MED12L: variants seen among roughly 807,000 people sequenced by gnomAD.
MED12L encodes the protein mediator of RNA polymerase II transcription subunit 12-like protein.
Under a neutral mutation model 281.3 loss-of-function variants are expected in MED12L, and 60 were observed. The observed-to-expected ratio is 0.21, with a 90% CI of 0.17 to 0.26. The LOEUF is 0.26. Among genes scored for constraint, MED12L ranks in the 10% least tolerant of loss-of-function variants. The pLI, the probability that MED12L is intolerant of heterozygous loss-of-function variation, is 1.00. For synonymous variants in MED12L, 974 were observed against 987.2 expected (o/e 0.99, Z 0.25); for missense variants, 2,146 against 2,680.9 (o/e 0.80, Z 4.41).
intron 16 of MED12L, among the ~76,000 whole-genome samples, chr3:151,202,521 A>G (rs756268761): frequency 7.9e-5 from 12 of 152,258 alleles, no homozygotes; most frequent in Non-Finnish European, 1.5e-4. Context: ...AAATACAAAA[A>G]TTAGCCAACG....
Position 151,357,362 on chromosome 3 carries a change from C to T in MED12L, c.2811C>T (p.Ala937=). 6.2e-7 allele frequency: 1 copy of T among 1,608,694 alleles called. No homozygotes were observed. ...SCLILNPDQT[A]QVFEGLCGVV... Reference sequence around the variant, plus strand: ...TAATCTTGAATCCTGATCAGACAGCCCAGGTGTTTGAAGGGTTGGTATATA... The same window carrying T: ...TAATCTTGAATCCTGATCAGACAGCTCAGGTGTTTGAAGGGTTGGTATATA... Residue 937 remains alanine (A), a synonymous_variant, in exon 20 of 45, where the codon GCC becomes GCT. Coordinates refer to ENST00000687756, the MANE Select transcript of MED12L (RefSeq NM_001393769.1).
At chr3:151,379,964 G>T in intron 31 of MED12L, 149 bp from the exon 32 acceptor site, 1 of 535,850 alleles carries the variant, frequency 1.9e-6, no homozygotes, top group Non-Finnish European at 3.3e-6. Flanking sequence ...AATTTTATAA[G>T]TAGAGGTATG....
intron 12 of MED12L, among the ~76,000 whole-genome samples, chr3:151,186,945 G>T (rs1221521901): frequency 1.3e-5 from 2 of 152,180 alleles, no homozygotes; most frequent in African/African-American, 4.8e-5. Context: ...TGCATGACTG[G>T]ATGAGCCTTA....
intron 5 of MED12L, among the ~76,000 whole-genome samples, chr3:151,152,521 C>T (rs1016755764): frequency 1.3e-5 from 2 of 152,112 alleles, no homozygotes; most frequent in African/African-American, 4.8e-5. Flanking sequence ...CAGGGTCTGA[C>T]ATTGGTGACA....
At chr3:151,158,395 C>T (rs1482524527) in intron 6 of MED12L, among the ~76,000 whole-genome samples, 2 of 151,840 alleles carry the variant, frequency 1.3e-5, no homozygotes, top group African/African-American at 4.8e-5. Context: ...CATACTCCCC[C>T]GAAATCTAGC....
chr3:151,381,614 A>T (rs1712360663), intron 32 of MED12L, among the ~76,000 whole-genome samples: 1 of 152,194 alleles, frequency 6.6e-6, no homozygotes. Context: ...TTCTCTGTTA[A>T]GATGTTACCT....
At chr3:151,186,786 T>G (rs183229549) in intron 12 of MED12L, among the ~76,000 whole-genome samples, 63 of 152,338 alleles carry the variant, frequency 4.1e-4, no homozygotes, top group African/African-American at 1.5e-3. Flanking sequence ...CAGTGCACAT[T>G]TATCTAGTTA....
intron 38 of MED12L, among the ~76,000 whole-genome samples, chr3:151,394,433 T>C (rs1714690198): frequency 1.3e-5 from 2 of 152,382 alleles, no homozygotes; most frequent in East Asian, 3.9e-4. Context: ...AAGACCTCCA[T>C]GAAATTAAAG....
intron 10 of MED12L, 122 bp from the exon 11 acceptor site, chr3:151,165,724 A>C: frequency 9.1e-7 from 1 of 1,100,550 alleles, no homozygotes; most frequent in South Asian, 1.5e-5. Flanking sequence ...GTTTGATAAC[A>C]TATGCCAAGA....
chr3:151,269,806 A>C, intron 16 of MED12L: 1 of 423,038 alleles, frequency 2.4e-6, no homozygotes, highest in South Asian at 1.8e-5. Context: ...CAAATCTGGA[A>C]AGGATATAAT....
At chr3:151,136,224 G>A (rs1433086254) in intron 5 of MED12L, among the ~76,000 whole-genome samples, 4 of 152,198 alleles carry the variant, frequency 2.6e-5, no homozygotes, top group Non-Finnish European at 5.9e-5. Flanking sequence ...CATTTGGACT[G>A]CAAAAATAAG....
intron 16 of MED12L, among the ~76,000 whole-genome samples, chr3:151,348,365 A>C (rs66825574): frequency 2.2e-3 from 39 of 17,720 alleles, no homozygotes; most frequent in African/African-American, 3.8e-3. Context: ...AAAAAAAAAG[A>C]AAAAAGAAAT....
intron 16 of MED12L, among the ~76,000 whole-genome samples, chr3:151,341,153 G>A (rs1461377709): frequency 1.3e-5 from 2 of 152,104 alleles, no homozygotes; most frequent in African/African-American, 4.8e-5. Flanking sequence ...CTTCTAACAA[G>A]TAATTATGTT....
chr3:151,148,023 G>A (rs1342147851), intron 5 of MED12L, among the ~76,000 whole-genome samples: 1 of 152,106 alleles, frequency 6.6e-6, no homozygotes, highest in African/African-American at 2.4e-5. Flanking sequence ...CTACATTCTT[G>A]TCAATACTTG....
At chr3:151,214,980 A>G (rs1239989718) in intron 16 of MED12L, among the ~76,000 whole-genome samples, 1 of 152,224 alleles carries the variant, frequency 6.6e-6, no homozygotes, top group East Asian at 1.9e-4. Flanking sequence ...AGAGCTATTC[A>G]GACGGACCTT....
At chr3:151,292,184 T>C (rs1577246937) in intron 16 of MED12L, among the ~76,000 whole-genome samples, 2 of 152,114 alleles carry the variant, frequency 1.3e-5, no homozygotes, top group East Asian at 3.8e-4. Flanking sequence ...AAGTAGATAA[T>C]ATCATTTTTG....
At chr3:151,338,607 T>C (rs1488067482) in intron 16 of MED12L, 1 of 1,613,886 alleles carries the variant, frequency 6.2e-7, no homozygotes, top group Admixed American at 1.7e-5. Flanking sequence ...ACTAAGAATT[T>C]TGAATGGAAA....
chr3:151,394,951 C>T (rs979545949), intron 39 of MED12L, 84 bp downstream of exon 39: 42 of 1,550,528 alleles, frequency 2.7e-5, no homozygotes, highest in Non-Finnish European at 3.3e-5. Context: ...GTAGCATATT[C>T]TTTCTGTATG....
At chr3:151,137,013 T>G (rs1325859268) in intron 5 of MED12L, among the ~76,000 whole-genome samples, 1 of 151,836 alleles carries the variant, frequency 6.6e-6, no homozygotes, top group Non-Finnish European at 1.5e-5. Flanking sequence ...AATACAAAAA[T>G]TAACTGGGCA....
Sources: gnomAD v4.1 joint callset for allele counts (sites outside exome capture counted in the v4.1 genomes callset) on GRCh38, gnomAD v4.1.1 for gene constraint, MANE v1.5 for transcripts, NCBI Gene and HGNC (gene_info 2026-07-23, HGNC 2026-07-21) for gene names.